Variants in IKBKB-DT observed in about 807,000 individuals in gnomAD.
The protein encoded by IKBKB-DT is IKBKB divergent transcript.
At chr8:42,268,400 G>A (rs1049729064) in intron 1 of IKBKB-DT, among the ~76,000 whole-genome samples, 18 of 152,148 alleles carry the variant, frequency 1.2e-4, no homozygotes, top group African/African-American at 4.3e-4. Context: ...CTCCCAAAGT[G>A]CTGGCATTAC....
At chr8:42,263,442 A>G (rs1807318058) in exon 3 of IKBKB-DT, 1 of 152,220 alleles carries the variant, frequency 6.6e-6, no homozygotes, top group Non-Finnish European at 1.5e-5. Flanking sequence ...AATTTTCTCC[A>G]TATCCTTTCT....
rs1554503179 is a variant in IKBKB-DT, at chr8:42,251,839, A to AAAAG, written n.1529+11489_1529+11490insCTTT. ...GCAAGACTCCATCTCAAAAAAAAAA[A>AAAAG]AAAAGAAAAGAAAAGAAAAGTAACA... On this transcript the variant is annotated intron_variant and non_coding_transcript_variant, in intron 3 of 3. Transcript: ENST00000518213. Among the ~76,000 whole-genome samples, 671 of 151,390 alleles carry AAAAG rather than the reference A, an allele frequency of 4.4e-3. 9 individuals are homozygous for AAAAG. The highest frequency in any genetic ancestry group is 0.015 in the African/African-American group (613 of 41,002).
At chr8:42,266,323 C>T (rs368209609) in exon 2 of IKBKB-DT, 5 of 152,252 alleles carry the variant, frequency 3.3e-5, no homozygotes, top group African/African-American at 1.2e-4. Context: ...TCTTCTCCTT[C>T]TATGATTCAG....
chr8:42,261,787 G>T (rs1764878785), intron 3 of IKBKB-DT, among the ~76,000 whole-genome samples: 1 of 152,170 alleles, frequency 6.6e-6, no homozygotes. Context: ...ATGATTGTAG[G>T]TTGACAGACA....
At chr8:42,248,738 G>A (rs571272290) in intron 3 of IKBKB-DT, among the ~76,000 whole-genome samples, 1 of 152,054 alleles carries the variant, frequency 6.6e-6, no homozygotes, top group Admixed American at 6.5e-5. Context: ...AAGTGGCCAG[G>A]TGTGGTGACA....
intron 3 of IKBKB-DT, among the ~76,000 whole-genome samples, chr8:42,239,636 T>TATATA (rs55662464): frequency 0.047 from 1,321 of 28,204 alleles, 105 homozygotes; most frequent in African/African-American, 0.098. Flanking sequence ...ATATATATAT[T>TATATA]TATTTATTTA....
intron 3 of IKBKB-DT, among the ~76,000 whole-genome samples, chr8:42,246,531 G>A (rs1807066911): frequency 6.6e-6 from 1 of 152,172 alleles, no homozygotes; most frequent in South Asian, 2.1e-4. Flanking sequence ...TCAGGATCCA[G>A]TGAGATGTAG....
intron 3 of IKBKB-DT, among the ~76,000 whole-genome samples, chr8:42,237,351 T>G (rs1310382862): frequency 6.6e-6 from 1 of 152,116 alleles, no homozygotes; most frequent in Non-Finnish European, 1.5e-5. Flanking sequence ...CCTCCCAAAG[T>G]GCTGGGATTC....
exon 1 of IKBKB-DT, chr8:42,271,009 A>G (rs1029737480): frequency 9.1e-6 from 2 of 219,358 alleles, no homozygotes; most frequent in African/African-American, 4.7e-5. Context: ...GTGAAAGCCT[A>G]GGGGGCCGGG....
At position 42,264,539 on chromosome 8, in the gene IKBKB-DT, G is replaced by A. The variant is rs147831709; in HGVS notation, n.1386-1067C>T. Reference sequence around the variant, plus strand: ...AGATGTAAATTTCCCTTACAAAAGGGTAGCTTTTAAAATATTATTTAATTT... The same window carrying A: ...AGATGTAAATTTCCCTTACAAAAGGATAGCTTTTAAAATATTATTTAATTT... On this transcript the variant is annotated intron_variant and non_coding_transcript_variant, in intron 2 of 3. Coordinates refer to ENST00000518213, the Ensembl canonical transcript of IKBKB-DT. Among the ~76,000 whole-genome samples the A allele has an allele frequency of 6.6e-5, 10 of 152,284 alleles. No homozygotes were observed. The East Asian group carries it at 1.5e-3, about 23-fold the overall frequency.
intron 3 of IKBKB-DT, among the ~76,000 whole-genome samples, chr8:42,256,637 A>C (rs1807204560): frequency 6.6e-6 from 1 of 152,116 alleles, no homozygotes; most frequent in South Asian, 2.1e-4. Flanking sequence ...GTCTGATGTA[A>C]TTAATTCTTG....
intron 3 of IKBKB-DT, among the ~76,000 whole-genome samples, chr8:42,236,510 A>G (rs532521596): frequency 6.6e-6 from 1 of 152,314 alleles, no homozygotes; most frequent in Non-Finnish European, 1.5e-5. Context: ...TCATGTCTGT[A>G]ATCCTTGCAC....
At chr8:42,243,808 A>G (rs1315518069) in intron 3 of IKBKB-DT, among the ~76,000 whole-genome samples, 1 of 152,238 alleles carries the variant, frequency 6.6e-6, no homozygotes, top group South Asian at 2.1e-4. Context: ...TTAAGAGTCT[A>G]TGTATTTGGA....
intron 3 of IKBKB-DT, among the ~76,000 whole-genome samples, chr8:42,245,479 C>G (rs1437607093): frequency 6.6e-6 from 1 of 152,188 alleles, no homozygotes; most frequent in African/African-American, 2.4e-5. Flanking sequence ...CCAGCAGCTC[C>G]CAGGGAGCCA....
chr8:42,255,938 A>G (rs558237649), intron 3 of IKBKB-DT, among the ~76,000 whole-genome samples: 1 of 151,920 alleles, frequency 6.6e-6, no homozygotes, highest in African/African-American at 2.4e-5. Flanking sequence ...AGGCAGGAGA[A>G]TCGCTTGAAC....
chr8:42,239,694 A>T (rs1167807513), intron 3 of IKBKB-DT, among the ~76,000 whole-genome samples: 1 of 134,482 alleles, frequency 7.4e-6, no homozygotes, highest in Non-Finnish European at 1.6e-5. Context: ...TGCCGAGGCT[A>T]GAGTGCAATG....
At chr8:42,247,187 A>G (rs1486480914) in intron 3 of IKBKB-DT, among the ~76,000 whole-genome samples, 1 of 152,158 alleles carries the variant, frequency 6.6e-6, no homozygotes, top group Non-Finnish European at 1.5e-5. Flanking sequence ...GGTGGGCTGT[A>G]CCCTGCAAAG....
chr8:42,259,174 C>A (rs1326906224), intron 3 of IKBKB-DT, among the ~76,000 whole-genome samples: 1 of 152,078 alleles, frequency 6.6e-6, no homozygotes, highest in Non-Finnish European at 1.5e-5. Context: ...TAAAGGCATG[C>A]ACCACCATGT....
chr8:42,258,392 G>T (rs1393591919), intron 3 of IKBKB-DT, among the ~76,000 whole-genome samples: 1 of 151,796 alleles, frequency 6.6e-6, no homozygotes, highest in Non-Finnish European at 1.5e-5. Context: ...CAATACTCTT[G>T]CCTTGGCCTC....
Sources: gnomAD v4.1 joint callset for allele counts (sites outside exome capture counted in the v4.1 genomes callset) on GRCh38, gnomAD v4.1.1 for gene constraint, MANE v1.5 for transcripts, NCBI Gene and HGNC (gene_info 2026-07-23, HGNC 2026-07-21) for gene names.